Variants in DHX57 observed in about 807,000 individuals in gnomAD.
DHX57 encodes the protein DExH-box helicase 57.
A neutral mutation model predicts 156.2 loss-of-function variants in DHX57; 105 were observed. That is an observed-to-expected ratio of 0.67 (90% CI 0.57 to 0.79). The LOEUF (loss-of-function observed/expected upper bound fraction) is 0.79. Ranked by LOEUF, DHX57 falls within the 30% of genes least tolerant of loss-of-function variation. DHX57 has a pLI of 0.00. For missense variants in DHX57, 1,847 were observed against 1,661.9 expected (o/e 1.11, Z -1.94); for synonymous variants, 704 against 595.6 (o/e 1.18, Z -2.65).
chr2:38,816,566 A>C (rs1670557619), intron 19 of DHX57, among the ~76,000 whole-genome samples: 1 of 152,158 alleles, frequency 6.6e-6, no homozygotes, highest in Non-Finnish European at 1.5e-5. Context: ...AAATGTGAGA[A>C]AGAAAGCACA....
chr2:38,859,320 A>G (rs946248554), intron 5 of DHX57, among the ~76,000 whole-genome samples: 6 of 152,186 alleles, frequency 3.9e-5, no homozygotes, highest in Non-Finnish European at 7.3e-5. Context: ...AAATGTCCAG[A>G]GTAGGCAAAT....
Position 38,863,479 on chromosome 2 carries a change from T to G in DHX57, c.265A>C (p.Lys89Gln). ...GGTACTTTGGCTTTGGGTTTCCATTTTGGGCGTGACTCTCCTTTGCTTATG... is the reference window on the plus strand; with the variant it reads ...GGTACTTTGGCTTTGGGTTTCCATTGTGGGCGTGACTCTCCTTTGCTTATG... ...SNISKGESRP[K>Q]WKPKAKVPLQ... The change falls in exon 3 of 24, where the codon AAA becomes CAA. Residue 89 changes from lysine to glutamine, a missense_variant. By Grantham distance (53) the Lys-to-Gln change is moderately conservative (BLOSUM62 1). Coordinates refer to ENST00000457308, the MANE Select transcript of DHX57 (RefSeq NM_198963.3). 6.2e-7 allele frequency: 1 copy of G among 1,614,124 alleles called. No individual in the cohort carries two copies. Among genetic ancestry groups the G allele is most frequent in the South Asian group, 1.1e-5 (1 of 91,066 alleles).
intron 2 of DHX57, 71 bp from the exon 3 acceptor site, chr2:38,863,590 C>A: frequency 7.1e-7 from 1 of 1,414,272 alleles, no homozygotes; most frequent in African/African-American, 1.4e-5. Context: ...CTCAGGGGTC[C>A]CCAGATATAC....
At position 38,825,829 on chromosome 2, in the gene DHX57, C is replaced by CA. The variant is rs772349404; in HGVS notation, c.3014+17dup. ...ATTTAGACCTTTTGGAAGCAAAACA[C>CA]AAAAAACCAGATGTCACCTTAGACA... On this transcript the variant is annotated intron_variant, in intron 16 of 23. Coordinates refer to ENST00000457308, the MANE Select transcript of DHX57 (RefSeq NM_198963.3). The CA allele has an allele frequency of 1.9e-6, 3 of 1,613,852 alleles. No individual in the cohort carries two copies. Among genetic ancestry groups the CA allele is most frequent in the South Asian group, 2.2e-5 (2 of 91,060 alleles).
chr2:38,841,692 C>T (rs185179999), intron 12 of DHX57, among the ~76,000 whole-genome samples: 147 of 152,130 alleles, frequency 9.7e-4, no homozygotes, highest in South Asian at 7.5e-3. Flanking sequence ...TGACAGTCTA[C>T]GGAAAAAGGA....
intron 6 of DHX57, among the ~76,000 whole-genome samples, chr2:38,858,285 C>T (rs1673008277): frequency 6.6e-6 from 1 of 152,228 alleles, no homozygotes; most frequent in African/African-American, 2.4e-5. Context: ...TGGTCTTGAA[C>T]TCCTGACCTC....
chr2:38,826,779 T>C, intron 14 of DHX57, 90 bp from the exon 15 acceptor site: 1 of 1,383,934 alleles, frequency 7.2e-7, no homozygotes. Flanking sequence ...ACCAACAATA[T>C]GACTTCAGGT....
chr2:38,869,788 C>T (rs942608855), intron 1 of DHX57, among the ~76,000 whole-genome samples: 6 of 152,158 alleles, frequency 3.9e-5, no homozygotes, highest in Admixed American at 3.3e-4. Flanking sequence ...AAAAAAGTCA[C>T]AAGGCATGCA....
intron 12 of DHX57, among the ~76,000 whole-genome samples, chr2:38,840,286 CAAAG>C (rs1299793685): frequency 6.6e-6 from 1 of 151,896 alleles, no homozygotes; most frequent in Non-Finnish European, 1.5e-5. Flanking sequence ...TTAATTTTTT[CAAAG>C]AAAAACTAGA....
chr2:38,867,377 T>C (rs1327036514), intron 2 of DHX57: 3 of 152,228 alleles, frequency 2.0e-5, no homozygotes, highest in Non-Finnish European at 2.9e-5. Context: ...TAAATACTCA[T>C]TAGAATTACT....
intron 23 of DHX57, 141 bp downstream of exon 23, chr2:38,802,574 C>A (rs1408402687): frequency 1.9e-6 from 2 of 1,035,386 alleles, no homozygotes; most frequent in African/African-American, 3.2e-5. Flanking sequence ...AGGTGTGAGC[C>A]ACTGGGCTCG....
chr2:38,820,505 G>T (rs1670757247), intron 17 of DHX57, among the ~76,000 whole-genome samples: 1 of 152,090 alleles, frequency 6.6e-6, no homozygotes, highest in African/African-American at 2.4e-5. Flanking sequence ...GATGATTTGG[G>T]AAAAGGTAAT....
At position 38,802,713 on chromosome 2, in the gene DHX57, A is replaced by G; in HGVS notation, c.4017+2T>C. 2 of 1,613,934 alleles carry G rather than the reference A, an allele frequency of 1.2e-6. No individual in the cohort carries two copies. Among genetic ancestry groups the G allele is most frequent in the Non-Finnish European group, 1.7e-6 (2 of 1,180,006 alleles). Reference sequence around the variant, plus strand: ...CATAAAACAGACCAATTCTGCCTTTACCTGATGGGAAGCAGCTACAAAACG... The same window carrying G: ...CATAAAACAGACCAATTCTGCCTTTGCCTGATGGGAAGCAGCTACAAAACG... On this transcript the variant is annotated splice_donor_variant, in intron 23 of 23. Transcript: ENST00000457308. LOFTEE classifies it high-confidence loss of function.
Position 38,823,163 on chromosome 2 carries a change from G to A in DHX57, c.3121C>T (p.Arg1041Ter), listed in dbSNP as rs143143351. The change falls in exon 17 of 24, where the codon CGA (arginine) becomes TGA (stop). Residue 1041 changes from arginine (R) to a stop codon, truncating the protein, a stop_gained. Transcript: ENST00000457308. LOFTEE classifies it high-confidence loss of function. Reference sequence around the variant, plus strand: ...TCTGGAGTTAATGCTCCTAAGTCTCGTAATCGTATTTTTGAGGCACGAAGA... The same window carrying A: ...TCTGGAGTTAATGCTCCTAAGTCTCATAATCGTATTTTTGAGGCACGAAGA... ...DSLRASKIRL[R>*]DLGALTPDER... 6 of 1,614,144 alleles carry A rather than the reference G, an allele frequency of 3.7e-6. No individual in the cohort carries two copies. Among genetic ancestry groups the A allele is most frequent in the Non-Finnish European group, 3.4e-6 (4 of 1,180,024 alleles).
chr2:38,800,285 C>T (rs561522345), intron 23 of DHX57, among the ~76,000 whole-genome samples: 1 of 151,248 alleles, frequency 6.6e-6, no homozygotes, highest in South Asian at 2.1e-4. Context: ...ACCCGGGAGG[C>T]GGAGGTTGCA....
At chr2:38,846,495 T>C (rs1379349162) in intron 11 of DHX57, among the ~76,000 whole-genome samples, 1 of 151,482 alleles carries the variant, frequency 6.6e-6, no homozygotes, top group East Asian at 1.9e-4. Context: ...GGTGTGTGTC[T>C]GTAGTTCAGC....
intron 12 of DHX57, among the ~76,000 whole-genome samples, chr2:38,841,656 T>G (rs866244248): frequency 1.9e-4 from 29 of 152,176 alleles, no homozygotes; most frequent in Non-Finnish European, 7.3e-5. Context: ...ATAAACACCC[T>G]TTTTTGGGAA....
At chr2:38,838,462 C>T (rs1458861128) in intron 12 of DHX57, among the ~76,000 whole-genome samples, 1 of 152,122 alleles carries the variant, frequency 6.6e-6, no homozygotes, top group African/African-American at 2.4e-5. Context: ...AACAATGACC[C>T]AAAAAGCAGG....
chr2:38,802,612 C>T, intron 23 of DHX57, 103 bp downstream of exon 23: 2 of 1,403,182 alleles, frequency 1.4e-6, no homozygotes, highest in Non-Finnish European at 2.0e-6. Flanking sequence ...TTAATTAGCT[C>T]TGTTACCTTG....
Sources: gnomAD v4.1 joint callset for allele counts (sites outside exome capture counted in the v4.1 genomes callset) on GRCh38, gnomAD v4.1.1 for gene constraint, MANE v1.5 for transcripts, NCBI Gene and HGNC (gene_info 2026-07-23, HGNC 2026-07-21) for gene names.